Variants in KIF26B observed in about 807,000 individuals in gnomAD.
KIF26B encodes kinesin-like protein KIF26B.
In KIF26B, 63 loss-of-function variants were observed where a neutral mutation model predicts 151.2. The ratio of observed to expected loss-of-function variants is 0.42; its 90% CI spans 0.34 to 0.51. The LOEUF (loss-of-function observed/expected upper bound fraction) is 0.51. Ranked by LOEUF, KIF26B falls within the 20% of genes least tolerant of loss-of-function variation. The pLI is 0.07. For synonymous variants in KIF26B, 1,357 were observed against 1,262.1 expected (o/e 1.08, Z -1.59); for missense variants, 2,813 against 2,913.6 (o/e 0.97, Z 0.79).
chr1:245,286,706 G>A (rs1163726641), intron 2 of KIF26B, among the ~76,000 whole-genome samples: 1 of 152,144 alleles, frequency 6.6e-6, no homozygotes, highest in Non-Finnish European at 1.5e-5. Context: ...GATAAATTAG[G>A]TGGTGGCTAT....
Position 245,646,109 on chromosome 1 carries a change from C to A in KIF26B, c.2099-12C>A, listed in dbSNP as rs1160167247. 6.8e-6 allele frequency: 11 copies of A among 1,613,176 alleles called. No individual in the cohort carries two copies. Among genetic ancestry groups the A allele is most frequent in the Non-Finnish European group, 8.5e-6 (10 of 1,179,394 alleles). On this transcript the variant is annotated splice_polypyrimidine_tract_variant and intron_variant, in intron 9 of 14. Transcript: ENST00000407071. ...CTTAACCATTTCTCTTTTATCTTCT[C>A]CCCTGTGGTAGTGTCTGGAGGTCGC...
intron 3 of KIF26B, among the ~76,000 whole-genome samples, chr1:245,405,215 G>A (rs1434836454): frequency 2.0e-5 from 3 of 152,168 alleles, no homozygotes; most frequent in African/African-American, 4.8e-5. Flanking sequence ...TGGACATGTA[G>A]GAATGATGTG....
chr1:245,208,313 C>T (rs1219736009), intron 2 of KIF26B, among the ~76,000 whole-genome samples: 1 of 152,186 alleles, frequency 6.6e-6, no homozygotes, highest in African/African-American at 2.4e-5. Flanking sequence ...GCCAATTCAC[C>T]GGAGTTCATT....
At chr1:245,454,342 C>T (rs905917360) in intron 4 of KIF26B, among the ~76,000 whole-genome samples, 3 of 152,186 alleles carry the variant, frequency 2.0e-5, no homozygotes, top group Non-Finnish European at 4.4e-5. Context: ...TATGTCTGAG[C>T]ATCCAGGGAG....
In KIF26B at chr1:245,688,754, C is replaced by T. The variant is rs761790815; in HGVS notation, c.5771C>T (p.Ser1924Phe). Residue 1924 changes from serine (S) to phenylalanine (F), a missense_variant, in exon 12 of 15, where the codon TCC (serine) becomes TTC (phenylalanine). Transcript: ENST00000407071. ...GACTCCACGAGCGAGAACAGCAGCTCCGTGGGCGGCAGGTGCCGGAGCCTC... is the reference window on the plus strand; with the variant it reads ...GACTCCACGAGCGAGAACAGCAGCTTCGTGGGCGGCAGGTGCCGGAGCCTC... ...AQDSTSENSS[S>F]VGGRCRSLKT... 19 of 1,601,164 alleles carry T rather than the reference C, an allele frequency of 1.2e-5. No homozygotes were observed. Among genetic ancestry groups the T allele is most frequent in the Non-Finnish European group, 6.8e-6 (8 of 1,172,328 alleles).
chr1:245,500,515 C>T lies in KIF26B; in HGVS notation c.1167-40252C>T, dbSNP rs1364946069. The stretch of plus-strand genomic sequence containing the variant: ...TGAAAACTGGGTTTGTTGTAAGTAA[C>T]GTATTAATAACACCTGGTGTAATAC... On this transcript the variant is annotated intron_variant, in intron 4 of 14. Transcript: ENST00000407071. 2.0e-5 allele frequency among the ~76,000 whole-genome samples: 3 copies of T among 152,294 alleles called. No individual in the cohort carries two copies. The South Asian group carries it at 6.2e-4, about 32-fold the overall frequency.
At chr1:245,630,093 C>T (rs1054666861) in intron 9 of KIF26B, among the ~76,000 whole-genome samples, 1 of 151,926 alleles carries the variant, frequency 6.6e-6, no homozygotes, top group Non-Finnish European at 1.5e-5. Context: ...TAGATGGTGG[C>T]AAGGCTGTGG....
intron 7 of KIF26B, among the ~76,000 whole-genome samples, chr1:245,608,592 G>T (rs940584894): frequency 2.6e-5 from 4 of 152,138 alleles, no homozygotes; most frequent in Non-Finnish European, 5.9e-5. Flanking sequence ...TGAATATGTG[G>T]ACTTAATCTG....
At chr1:245,363,769 C>G (rs976057329) in intron 2 of KIF26B, among the ~76,000 whole-genome samples, 1 of 152,228 alleles carries the variant, frequency 6.6e-6, no homozygotes, top group African/African-American at 2.4e-5. Context: ...GACTCTCAAT[C>G]TCAGCCTTTC....
chr1:245,431,031 C>T (rs1658764676), intron 4 of KIF26B, among the ~76,000 whole-genome samples: 1 of 152,214 alleles, frequency 6.6e-6, no homozygotes, highest in African/African-American at 2.4e-5. Flanking sequence ...GTCTTAGCCA[C>T]CATGCTCTCC....
At chr1:245,190,489 T>C (rs1365506111) in intron 2 of KIF26B, among the ~76,000 whole-genome samples, 4 of 152,128 alleles carry the variant, frequency 2.6e-5, no homozygotes, top group Non-Finnish European at 5.9e-5. Flanking sequence ...GTCACGGCAC[T>C]GCACTTGCAC....
chr1:245,702,683 G>A lies in KIF26B; in HGVS notation c.*77G>A. On this transcript the variant is annotated 3_prime_UTR_variant, in exon 15 of 15. Transcript: ENST00000407071. The surrounding 1 kb of genome is among the most constrained non-coding windows in gnomAD (Gnocchi z 4.1). ...TGTTGCACGCCCCTAGGCCCTCTGT[G>A]CTGGGGCATCAAAGACAATGAATGA... The A allele has an allele frequency of 6.9e-7, 1 of 1,455,818 alleles. No individual in the cohort carries two copies. The highest frequency in any genetic ancestry group is 9.3e-7 in the Non-Finnish European group (1 of 1,078,780). The allele number at this position is 1,455,818 out of a possible 1,614,324, so 90.2% of individuals were successfully genotyped here. A position where few individuals can be genotyped will look rare whatever the true frequency, so the allele number is the denominator to read the frequency against.
At position 245,374,059 on chromosome 1, in the gene KIF26B, CAAAAAAAA is replaced by C. The variant is rs1172397969; in HGVS notation, c.999+6721_999+6728del. Among the ~76,000 whole-genome samples the C allele has an allele frequency of 2.8e-3, 49 of 17,474 alleles. 2 individuals carry two copies. Among genetic ancestry groups the C allele is most frequent in the South Asian group, 0.012 (3 of 244 alleles). The allele number at this position is 17,474 out of a possible 152,430, so 11.5% of individuals were successfully genotyped here. A position where few individuals can be genotyped will look rare whatever the true frequency, so the allele number is the denominator to read the frequency against. On this transcript the variant is annotated intron_variant, in intron 3 of 14. Coordinates refer to ENST00000407071, the MANE Select transcript of KIF26B (RefSeq NM_018012.4). ...GTGACAGAGACCCGAGAACCTATCT[CAAAAAAAA>C]AAAAAAAAAAAAAAAAAAAAAAAAA...
At chr1:245,249,451 T>C (rs980493269) in intron 2 of KIF26B, among the ~76,000 whole-genome samples, 16 of 151,484 alleles carry the variant, frequency 1.1e-4, no homozygotes, top group African/African-American at 3.9e-4. Flanking sequence ...ACAATTGACA[T>C]TGTGTCGGCT....
intron 2 of KIF26B, among the ~76,000 whole-genome samples, chr1:245,250,906 A>C (rs1670430929): frequency 6.6e-6 from 1 of 152,224 alleles, no homozygotes; most frequent in South Asian, 2.1e-4. Context: ...CTCAGCCTAT[A>C]GTCCTACTCA....
intron 4 of KIF26B, among the ~76,000 whole-genome samples, chr1:245,438,091 A>G (rs1042468395): frequency 3.9e-5 from 6 of 152,194 alleles, no homozygotes; most frequent in Non-Finnish European, 8.8e-5. Flanking sequence ...ACTTTCCACT[A>G]TGTTCTGAGC....
intron 3 of KIF26B, among the ~76,000 whole-genome samples, chr1:245,397,495 C>T (rs1247381803): frequency 6.6e-6 from 1 of 152,168 alleles, no homozygotes. Context: ...GGATTACAGG[C>T]ATGATCCACT....
intron 10 of KIF26B, among the ~76,000 whole-genome samples, chr1:245,654,014 G>T (rs1166163180): frequency 1.3e-5 from 2 of 152,176 alleles, no homozygotes; most frequent in African/African-American, 4.8e-5. Context: ...AGTAAGCTAT[G>T]ATCGTATCAC....
chr1:245,172,099 A>T (rs1668721073), intron 2 of KIF26B, among the ~76,000 whole-genome samples: 1 of 152,056 alleles, frequency 6.6e-6, no homozygotes, highest in South Asian at 2.1e-4. Context: ...TTATCCACTC[A>T]TCTACCTGTC....
Sources: gnomAD v4.1 joint callset for allele counts (sites outside exome capture counted in the v4.1 genomes callset) on GRCh38, gnomAD v4.1.1 for gene constraint, Gnocchi (gnomAD v3.1) non-coding constraint, MANE v1.5 for transcripts, NCBI Gene and HGNC (gene_info 2026-07-23, HGNC 2026-07-21) for gene names.